Variants in PTCSC3 observed in about 807,000 individuals in gnomAD.
PTCSC3 encodes the protein papillary thyroid carcinoma susceptibility candidate 3.
chr14:36,163,232 T>C (rs1882009488), intron 1 of PTCSC3, among the ~76,000 whole-genome samples: 2 of 151,998 alleles, frequency 1.3e-5, no homozygotes, highest in Non-Finnish European at 2.9e-5. Flanking sequence ...ACTTTAAAAA[T>C]TTTGAAAAGA....
At position 36,168,078 on chromosome 14, in the gene PTCSC3, G is replaced by C. The variant is rs371264018; in HGVS notation, n.172-5395C>G. Among the ~76,000 whole-genome samples the C allele has an allele frequency of 5.3e-5, 8 of 152,162 alleles. No homozygotes were observed. The East Asian group carries it at 1.2e-3, about 22-fold the overall frequency. On this transcript the variant is annotated intron_variant and non_coding_transcript_variant, in intron 1 of 3. Transcript: ENST00000556013. The stretch of plus-strand genomic sequence containing the variant: ...GTGATGCTGGTAGCTTGAAGGGAAA[G>C]CTCTTGCCAATAATATTGTTGCTCC...
At position 36,152,490 on chromosome 14, in the gene PTCSC3, T is replaced by C. The variant is rs369548708; in HGVS notation, n.322+1314A>G. Among the ~76,000 whole-genome samples, 35 of 150,788 alleles carry C rather than the reference T, an allele frequency of 2.3e-4. No individual in the cohort carries two copies. The East Asian group carries it at 2.8e-3, about 12-fold the overall frequency. On this transcript the variant is annotated intron_variant and non_coding_transcript_variant, in intron 3 of 3. Transcript: ENST00000556013. ...AAAAAAGGCATCAAAATAGTGAAAA[T>C]AAAACCACAGAGTAGGTAAAGATAT...
chr14:36,150,924 T>C (rs189235783), intron 3 of PTCSC3, among the ~76,000 whole-genome samples: 268 of 128,216 alleles, frequency 2.1e-3, no homozygotes, highest in African/African-American at 6.9e-3. Context: ...AAGATATGAA[T>C]AAGAAAGGTA....
chr14:36,154,510 T>A (rs1881788717), intron 2 of PTCSC3, among the ~76,000 whole-genome samples: 1 of 152,244 alleles, frequency 6.6e-6, no homozygotes, highest in Admixed American at 6.5e-5. Flanking sequence ...ACCAAATTAC[T>A]GTTGTGATTA....
At chr14:36,173,474 T>C (rs991796469) in intron 1 of PTCSC3, among the ~76,000 whole-genome samples, 9 of 152,072 alleles carry the variant, frequency 5.9e-5, no homozygotes, top group Non-Finnish European at 8.8e-5. Flanking sequence ...CAGACAACCT[T>C]GGAAAAGAAT....
At chr14:36,157,557 A>G (rs1203536770) in intron 2 of PTCSC3, among the ~76,000 whole-genome samples, 1 of 151,770 alleles carries the variant, frequency 6.6e-6, no homozygotes, top group African/African-American at 2.4e-5. Flanking sequence ...TCTTTAATTC[A>G]TCTTTTTTGT....
chr14:36,143,157 C>T lies in PTCSC3; in HGVS notation n.323-6801G>A, dbSNP rs564856861. 1.5e-4 allele frequency among the ~76,000 whole-genome samples: 23 copies of T among 149,492 alleles called. No individual in the cohort carries two copies. In the South Asian group the frequency reaches 3.0e-3, roughly 20 times the overall value. On this transcript the variant is annotated intron_variant and non_coding_transcript_variant, in intron 3 of 3. Coordinates refer to ENST00000556013, the Ensembl canonical transcript of PTCSC3. ...CTTTATAGCAGCATGATTTATAGTCCTTTGGGTATATACCCAGTAATGGGA... is the reference window on the plus strand; with the variant it reads ...CTTTATAGCAGCATGATTTATAGTCTTTTGGGTATATACCCAGTAATGGGA...
intron 2 of PTCSC3, among the ~76,000 whole-genome samples, chr14:36,156,101 G>A (rs1231577687): frequency 6.6e-6 from 1 of 152,122 alleles, no homozygotes; most frequent in Non-Finnish European, 1.5e-5. Flanking sequence ...GGTTTTTCTA[G>A]CTTTTGTGAA....
At chr14:36,136,590 G>A (rs1881293612) in intron 3 of PTCSC3, among the ~76,000 whole-genome samples, 1 of 152,148 alleles carries the variant, frequency 6.6e-6, no homozygotes, top group Non-Finnish European at 1.5e-5. Flanking sequence ...ATGGAAGTAT[G>A]AGGAAGGGAG....
intron 1 of PTCSC3, among the ~76,000 whole-genome samples, chr14:36,175,563 A>C (rs1193405054): frequency 1.3e-5 from 2 of 152,220 alleles, no homozygotes; most frequent in African/African-American, 2.4e-5. Context: ...GCTTAAAATC[A>C]TATAGGCTAT....
intron 2 of PTCSC3, among the ~76,000 whole-genome samples, chr14:36,155,194 C>T (rs1388182075): frequency 6.6e-6 from 1 of 152,132 alleles, no homozygotes; most frequent in Non-Finnish European, 1.5e-5. Context: ...AAAGAATTCA[C>T]TATTGAAACT....
At chr14:36,155,659 CTTGA>C (rs1881811217) in intron 2 of PTCSC3, among the ~76,000 whole-genome samples, 1 of 151,940 alleles carries the variant, frequency 6.6e-6, no homozygotes, top group Non-Finnish European at 1.5e-5. Context: ...GCTAAATTTG[CTTGA>C]TTGAAAATTT....
At chr14:36,164,554 G>T (rs1392510222) in intron 1 of PTCSC3, among the ~76,000 whole-genome samples, 1 of 151,588 alleles carries the variant, frequency 6.6e-6, no homozygotes, top group East Asian at 1.9e-4. Flanking sequence ...AATTTTCCAG[G>T]AAAACGTCTT....
At position 36,174,578 on chromosome 14, in the gene PTCSC3, T is replaced by A. The variant is rs114696883; in HGVS notation, n.171+1720A>T. 7.0e-3 allele frequency among the ~76,000 whole-genome samples: 1,073 copies of A among 152,314 alleles called. 13 individuals carry two copies. Among genetic ancestry groups the A allele is most frequent in the African/African-American group, 0.023 (975 of 41,550 alleles). On this transcript the variant is annotated intron_variant and non_coding_transcript_variant, in intron 1 of 3. Transcript: ENST00000556013. ...TGTAGTCTTCCTCTAAAAATGGTTG[T>A]TTCATATTTGAGGTGGCAGTTCATT...
chr14:36,159,338 T>C (rs1460038339), intron 2 of PTCSC3, among the ~76,000 whole-genome samples: 2 of 152,158 alleles, frequency 1.3e-5, no homozygotes, highest in African/African-American at 2.4e-5. Flanking sequence ...ATTGTGATGT[T>C]AGGGTGTTGA....
At chr14:36,167,801 A>G (rs1236836253) in intron 1 of PTCSC3, among the ~76,000 whole-genome samples, 1 of 152,192 alleles carries the variant, frequency 6.6e-6, no homozygotes, top group Non-Finnish European at 1.5e-5. Context: ...AAAACGCTCC[A>G]ATTAAATGGG....
At chr14:36,143,602 G>A (rs962058797) in intron 3 of PTCSC3, among the ~76,000 whole-genome samples, 1 of 149,186 alleles carries the variant, frequency 6.7e-6, no homozygotes, top group African/African-American at 2.4e-5. Flanking sequence ...CTCCCATTCT[G>A]TAGGTTGCCT....
At chr14:36,172,854 G>T (rs184555834) in intron 1 of PTCSC3, among the ~76,000 whole-genome samples, 3 of 152,074 alleles carry the variant, frequency 2.0e-5, no homozygotes, top group East Asian at 3.9e-4. Context: ...CTGAATTTAT[G>T]ACATTTGGTT....
At chr14:36,157,254 GT>G (rs1424067095) in intron 2 of PTCSC3, among the ~76,000 whole-genome samples, 2 of 151,948 alleles carry the variant, frequency 1.3e-5, no homozygotes, top group African/African-American at 4.8e-5. Flanking sequence ...TGATAGGGTT[GT>G]TTTTTTCTTG....
Sources: allele counts gnomAD v4.1 joint callset (sites outside exome capture counted in the v4.1 genomes callset), GRCh38; gene constraint gnomAD v4.1.1; transcripts MANE v1.5; gene names NCBI Gene and HGNC (gene_info 2026-07-23, HGNC 2026-07-21).